Variants in MYO1E observed in about 807,000 individuals in gnomAD.
The protein encoded by MYO1E is unconventional myosin-Ie.
A neutral mutation model predicts 151.1 loss-of-function variants in MYO1E; 68 were observed. That is an observed-to-expected ratio of 0.45 (90% confidence interval 0.37 to 0.55). The LOEUF is 0.55. Ranked by LOEUF, MYO1E falls within the 20% of genes least tolerant of loss-of-function variation. MYO1E has a pLI of 0.00. For missense variants in MYO1E, 1,363 were observed against 1,389.3 expected, an observed-to-expected ratio of 0.98 and a Z score of 0.30; for synonymous variants, 601 against 501.7, an observed-to-expected ratio of 1.20 and a Z score of -2.64.
intron 1 of MYO1E, among the ~76,000 whole-genome samples, chr15:59,294,243 A>G (rs578049279): frequency 5.3e-5 from 8 of 152,150 alleles, no homozygotes; most frequent in Non-Finnish European, 8.8e-5. Flanking sequence ...TGTGAGTTCT[A>G]TCTCATGATC....
chr15:59,370,685 G>C (rs2080939661), intron 1 of MYO1E, among the ~76,000 whole-genome samples: 1 of 152,182 alleles, frequency 6.6e-6, no homozygotes, highest in Non-Finnish European at 1.5e-5. Context: ...GCTGAATTAA[G>C]CATGGTATCA....
intron 1 of MYO1E, among the ~76,000 whole-genome samples, chr15:59,288,075 C>T (rs1490294543): frequency 6.6e-6 from 1 of 152,226 alleles, no homozygotes; most frequent in African/African-American, 2.4e-5. Flanking sequence ...ACTTTGCAAA[C>T]AATTATTCCT....
intron 4 of MYO1E, among the ~76,000 whole-genome samples, chr15:59,243,818 AG>A (rs66493732): frequency 0.48 from 72,590 of 151,654 alleles, 19,607 homozygotes; most frequent in Non-Finnish European, 0.63. Flanking sequence ...CATAAGACAA[AG>A]TAATTCTGCG....
At chr15:59,201,763 G>A (rs1337348112) in intron 16 of MYO1E, among the ~76,000 whole-genome samples, 1 of 152,162 alleles carries the variant, frequency 6.6e-6, no homozygotes, top group South Asian at 2.1e-4. Flanking sequence ...AATGGCTCAG[G>A]TACCACAGAA....
At chr15:59,257,663 G>C (rs115319203) in intron 3 of MYO1E, among the ~76,000 whole-genome samples, 1,629 of 152,260 alleles carry the variant, frequency 0.011, 34 homozygotes, top group African/African-American at 0.037. Context: ...GGGTTAGGAT[G>C]AGGGGGCTTT....
chr15:59,319,172 A>C (rs1363702913), intron 1 of MYO1E, among the ~76,000 whole-genome samples: 1 of 152,108 alleles, frequency 6.6e-6, no homozygotes, highest in Non-Finnish European at 1.5e-5. Flanking sequence ...AAAGCCTGGC[A>C]TGGTGACAGG....
intron 6 of MYO1E, among the ~76,000 whole-genome samples, chr15:59,228,805 G>C (rs1278350821): frequency 6.6e-6 from 1 of 152,172 alleles, no homozygotes. Flanking sequence ...AACTCATTAA[G>C]GGCAAGAAAA....
intron 22 of MYO1E, among the ~76,000 whole-genome samples, chr15:59,169,819 C>G (rs145386342): frequency 6.6e-6 from 1 of 152,298 alleles, no homozygotes; most frequent in Non-Finnish European, 1.5e-5. Context: ...TGACAACCCC[C>G]TCAAGGACTT....
chr15:59,348,069 G>T (rs1221170028), intron 1 of MYO1E, among the ~76,000 whole-genome samples: 1 of 152,142 alleles, frequency 6.6e-6, no homozygotes, highest in Non-Finnish European at 1.5e-5. Context: ...CAAACCTGCT[G>T]AATCACCTCC....
At chr15:59,214,780 G>C in intron 10 of MYO1E, 60 bp from the exon 11 acceptor site, 2 of 1,338,478 alleles carry the variant, frequency 1.5e-6, no homozygotes, top group South Asian at 2.3e-5. Flanking sequence ...AAACGGGCAT[G>C]CACTGGGGAA....
At chr15:59,215,361 T>G (rs1270283331) in intron 10 of MYO1E, among the ~76,000 whole-genome samples, 2 of 152,228 alleles carry the variant, frequency 1.3e-5, no homozygotes, top group African/African-American at 2.4e-5. Context: ...AGTGATACCA[T>G]TATTTTCCCA....
intron 24 of MYO1E, among the ~76,000 whole-genome samples, chr15:59,160,304 G>A (rs373141614): frequency 6.6e-6 from 1 of 151,492 alleles, no homozygotes; most frequent in Middle Eastern, 3.4e-3. Flanking sequence ...ATAAAGGCCA[G>A]GGAAGGAGTT....
At chr15:59,355,441 C>T (rs569644733) in intron 1 of MYO1E, among the ~76,000 whole-genome samples, 2 of 152,214 alleles carry the variant, frequency 1.3e-5, no homozygotes, top group South Asian at 4.2e-4. Flanking sequence ...TTCTTTTACC[C>T]TTCTGTAGAG....
At chr15:59,257,562 C>T (rs7171626) in intron 3 of MYO1E, among the ~76,000 whole-genome samples, 149,480 of 152,336 alleles carry the variant, frequency 0.98, 73,406 homozygotes, top group East Asian at 1. Context: ...TAATCCATTT[C>T]ATTGTGCAGT....
chr15:59,164,185 T>A (rs2079552485), intron 22 of MYO1E, among the ~76,000 whole-genome samples: 1 of 152,166 alleles, frequency 6.6e-6, no homozygotes, highest in African/African-American at 2.4e-5. Flanking sequence ...CAACAACATG[T>A]ATGTAATTGA....
chr15:59,168,531 T>A (rs2079574400), intron 22 of MYO1E, among the ~76,000 whole-genome samples: 1 of 151,990 alleles, frequency 6.6e-6, no homozygotes, highest in African/African-American at 2.4e-5. Context: ...GGTGGCAAAG[T>A]GAGACCCCGT....
At chr15:59,150,847 C>T (rs1402397287) in intron 26 of MYO1E, among the ~76,000 whole-genome samples, 5 of 152,096 alleles carry the variant, frequency 3.3e-5, no homozygotes, top group East Asian at 1.9e-4. Context: ...GAATCAGAAA[C>T]GCGGAAAGTG....
intron 1 of MYO1E, among the ~76,000 whole-genome samples, chr15:59,353,032 G>C (rs1273288309): frequency 2.0e-5 from 3 of 152,080 alleles, no homozygotes; most frequent in Admixed American, 2.0e-4. Flanking sequence ...TCTTTTCTAA[G>C]GAAGTCAGCA....
intron 1 of MYO1E, among the ~76,000 whole-genome samples, chr15:59,364,075 G>A (rs1462215923): frequency 6.6e-6 from 1 of 152,204 alleles, no homozygotes; most frequent in Non-Finnish European, 1.5e-5. Flanking sequence ...ACCATGCCCA[G>A]CTCTAATTCA....
Sources: gnomAD v4.1 joint callset for allele counts (sites outside exome capture counted in the v4.1 genomes callset) on GRCh38, gnomAD v4.1.1 for gene constraint, MANE v1.5 for transcripts, NCBI Gene and HGNC (gene_info 2026-07-23, HGNC 2026-07-21) for gene names.